Variants in MALRD1 observed in about 807,000 individuals in gnomAD.
The protein encoded by MALRD1 is MAM and LDL-receptor class A domain-containing protein 1.
In MALRD1, 247 loss-of-function variants were observed where a neutral mutation model predicts 242.1. The ratio of observed to expected loss-of-function variants is 1.02; its 90% confidence interval spans 0.92 to 1.13. The LOEUF (loss-of-function observed/expected upper bound fraction) is 1.13. Among genes scored for constraint, MALRD1 ranks in the 50% most tolerant of loss-of-function variants. The pLI is 0.00. For synonymous variants in MALRD1, 995 were observed against 866.6 expected (o/e 1.15, Z -2.60); for missense variants, 2,989 against 2,533.1 (o/e 1.18, Z -3.86).
chr10:19,101,979 A>G (rs1002768912), intron 4 of MALRD1, among the ~76,000 whole-genome samples: 1 of 104,324 alleles, frequency 9.6e-6, no homozygotes, highest in Admixed American at 1.3e-4. Flanking sequence ...TAATTTATAT[A>G]TGTTATAATA....
At chr10:19,182,317 A>G (rs1835541250) in intron 14 of MALRD1, among the ~76,000 whole-genome samples, 1 of 147,150 alleles carries the variant, frequency 6.8e-6, no homozygotes, top group South Asian at 2.1e-4. Context: ...CTGCCTCCAA[A>G]ACCTACATTT....
intron 11 of MALRD1, among the ~76,000 whole-genome samples, chr10:19,154,390 G>A (rs1834054597): frequency 6.6e-6 from 1 of 152,106 alleles, no homozygotes; most frequent in Non-Finnish European, 1.5e-5. Flanking sequence ...GCCTATCACT[G>A]TGACTATCAA....
intron 19 of MALRD1, among the ~76,000 whole-genome samples, chr10:19,263,908 G>A (rs1237091440): frequency 6.6e-6 from 1 of 152,024 alleles, no homozygotes; most frequent in African/African-American, 2.4e-5. Flanking sequence ...AATTGCTTTA[G>A]CTATTTGGAA....
chr10:19,201,494 A>G (rs890408987), intron 14 of MALRD1, among the ~76,000 whole-genome samples: 37 of 152,314 alleles, frequency 2.4e-4, no homozygotes, highest in African/African-American at 8.2e-4. Flanking sequence ...TGGGAGATAG[A>G]TATTATACAT....
intron 12 of MALRD1, among the ~76,000 whole-genome samples, chr10:19,162,609 A>G (rs1834481844): frequency 6.6e-6 from 1 of 152,170 alleles, no homozygotes. Flanking sequence ...CAAAACCACA[A>G]TGAGATATCA....
chr10:19,532,227 T>G (rs1834447121), intron 32 of MALRD1, among the ~76,000 whole-genome samples: 1 of 152,126 alleles, frequency 6.6e-6, no homozygotes, highest in Non-Finnish European at 1.5e-5. Context: ...CAGTCAAAAT[T>G]ATGATTTCAA....
intron 36 of MALRD1, among the ~76,000 whole-genome samples, chr10:19,655,105 G>A (rs1341966094): frequency 6.6e-6 from 1 of 152,120 alleles, no homozygotes; most frequent in East Asian, 1.9e-4. Flanking sequence ...TCTGTAGACA[G>A]AATAAAGCTG....
At chr10:19,287,633 G>C (rs903281680) in intron 21 of MALRD1, among the ~76,000 whole-genome samples, 6 of 151,966 alleles carry the variant, frequency 3.9e-5, no homozygotes, top group Admixed American at 3.3e-4. Context: ...ACACCAAGTA[G>C]GGAAAATGAT....
chr10:19,637,381 A>T (rs1039947700), intron 36 of MALRD1, among the ~76,000 whole-genome samples: 1 of 152,200 alleles, frequency 6.6e-6, no homozygotes, highest in African/African-American at 2.4e-5. Flanking sequence ...AGGACAGTAG[A>T]AAGGAAGTAT....
At chr10:19,397,558 A>G (rs879699603) in intron 28 of MALRD1, among the ~76,000 whole-genome samples, 1 of 152,156 alleles carries the variant, frequency 6.6e-6, no homozygotes, top group Non-Finnish European at 1.5e-5. Context: ...GAGAGGACAG[A>G]TATCTCAACC....
At chr10:19,207,887 C>T (rs11816914) in intron 17 of MALRD1, among the ~76,000 whole-genome samples, 54,761 of 151,960 alleles carry the variant, frequency 0.36, 11,541 homozygotes, top group African/African-American at 0.56. Flanking sequence ...ATGCCTGCAC[C>T]GTAACTCTTG....
chr10:19,680,043 G>A (rs1050248698), intron 36 of MALRD1, among the ~76,000 whole-genome samples: 5 of 152,122 alleles, frequency 3.3e-5, no homozygotes, highest in African/African-American at 1.2e-4. Context: ...TTGCTGAAGA[G>A]TGTTTTACTT....
At chr10:19,474,012 G>A (rs10740905) in intron 29 of MALRD1, among the ~76,000 whole-genome samples, 132,263 of 151,886 alleles carry the variant, frequency 0.87, 57,813 homozygotes, top group East Asian at 1. Context: ...TGTTTTTTTC[G>A]TAGTAGTCAT....
intron 14 of MALRD1, among the ~76,000 whole-genome samples, chr10:19,189,983 A>G (rs1241440106): frequency 6.6e-6 from 1 of 152,104 alleles, no homozygotes; most frequent in Non-Finnish European, 1.5e-5. Context: ...AAAACATAAC[A>G]AAAAAGAAAA....
chr10:19,070,808 A>G (rs1201831683), intron 2 of MALRD1, among the ~76,000 whole-genome samples: 1 of 135,796 alleles, frequency 7.4e-6, no homozygotes, highest in Non-Finnish European at 1.6e-5. Context: ...TAAGCAGATG[A>G]TTAAGTTGCA....
chr10:19,123,305 A>ATGTG (rs35317209), intron 5 of MALRD1, among the ~76,000 whole-genome samples, 187 bp from the exon 6 acceptor site: 52,415 of 149,806 alleles, frequency 0.35, 9,080 homozygotes, highest in East Asian at 0.53. Context: ...AGTGGTGTGT[A>ATGTG]TGTGTGTGTG....
Position 19,257,759 on chromosome 10 carries a change from A to G in MALRD1, c.3067A>G (p.Thr1023Ala), listed in dbSNP as rs549837391. The change falls in exon 19 of 40, where the codon ACC (threonine) becomes GCC (alanine). Residue 1023 changes from threonine (T) to alanine (A), a missense_variant. Coordinates refer to ENST00000454679, the MANE Select transcript of MALRD1 (RefSeq NM_001142308.3). ...AIDDLSFMDC[T>A]LYPGNLPADL... ...TGATGATCTGTCATTTATGGACTGC[A>G]CCCTCTACCCTGGTAAGAGAGAACA... 161 of 1,531,538 alleles carry G rather than the reference A, an allele frequency of 1.1e-4. 8 individuals are homozygous for G. The South Asian group carries it at 2.0e-3, about 19-fold the overall frequency. The allele number at this position is 1,531,538 out of a possible 1,614,324, so 94.9% of individuals were successfully genotyped here.
At chr10:19,730,806 C>T in intron 39 of MALRD1, 25 bp downstream of exon 39, 1 of 1,525,272 alleles carries the variant, frequency 6.6e-7, no homozygotes, top group Non-Finnish European at 8.8e-7. Context: ...TGAACTATAT[C>T]TTTTCACACA....
At chr10:19,576,964 G>GTT (rs11331552) in intron 33 of MALRD1, among the ~76,000 whole-genome samples, 1 of 123,414 alleles carries the variant, frequency 8.1e-6, no homozygotes, top group Non-Finnish European at 1.7e-5. Context: ...CCACATTGTC[G>GTT]TTTTTTTTTT....
Sources: allele counts gnomAD v4.1 joint callset (sites outside exome capture counted in the v4.1 genomes callset), GRCh38; gene constraint gnomAD v4.1.1; transcripts MANE v1.5; gene names NCBI Gene and HGNC (gene_info 2026-07-23, HGNC 2026-07-21).